RSRC1: variants seen among roughly 807,000 people sequenced by gnomAD.
The protein encoded by RSRC1 is arginine and serine rich coiled-coil 1.
RSRC1 carries 39 observed loss-of-function variants against 49.1 expected under a neutral mutation model. That is an observed-to-expected ratio of 0.79 (90% confidence interval 0.61 to 1.04). RSRC1 has a LOEUF of 1.04. Ranked by LOEUF, RSRC1 falls within the 50% of genes least tolerant of loss-of-function variation. RSRC1 has a pLI of 0.00. For missense variants in RSRC1, 388 were observed against 402.4 expected, an observed-to-expected ratio of 0.96 and a Z score of 0.31; for synonymous variants, 143 against 130.8, an observed-to-expected ratio of 1.09 and a Z score of -0.63.
Position 158,457,749 on chromosome 3 carries a change from T to TG in RSRC1, c.584-3186_584-3185insG, listed in dbSNP as rs1553809979. ...TTTTGTGTTTTTTTTTGTTTTTTTT[T>TG]TTTGTTTGTTTTTTAATATATATAT... On this transcript the variant is annotated intron_variant, in intron 6 of 9. Transcript: ENST00000611884. Among the ~76,000 whole-genome samples, 431 of 148,926 alleles carry TG rather than the reference T, an allele frequency of 2.9e-3. 2 individuals carry two copies. Among genetic ancestry groups the TG allele is most frequent in the African/African-American group, 9.0e-3 (365 of 40,356 alleles).
intron 3 of RSRC1, among the ~76,000 whole-genome samples, chr3:158,183,783 G>T (rs1472249559): frequency 6.6e-6 from 1 of 151,942 alleles, no homozygotes; most frequent in African/African-American, 2.4e-5. Flanking sequence ...GGGCATGGTG[G>T]CATGCACCTG....
intron 5 of RSRC1, among the ~76,000 whole-genome samples, chr3:158,345,758 CAT>C (rs1233029082): frequency 7.3e-6 from 1 of 136,846 alleles, no homozygotes; most frequent in African/African-American, 2.5e-5. Flanking sequence ...AGAGACTCAT[CAT>C]ATATATGTGT....
chr3:158,190,055 T>G (rs1237922551), intron 3 of RSRC1, among the ~76,000 whole-genome samples: 1 of 151,928 alleles, frequency 6.6e-6, no homozygotes, highest in Non-Finnish European at 1.5e-5. Context: ...GCCAACACAC[T>G]TTTTTCCCTC....
intron 3 of RSRC1, among the ~76,000 whole-genome samples, chr3:158,147,534 A>G (rs1045869472): frequency 2.0e-5 from 3 of 151,888 alleles, no homozygotes; most frequent in Non-Finnish European, 2.9e-5. Context: ...TTATTTTTCA[A>G]AAAACCTAAC....
At chr3:158,250,512 C>T (rs1724147787) in intron 4 of RSRC1, among the ~76,000 whole-genome samples, 1 of 152,162 alleles carries the variant, frequency 6.6e-6, no homozygotes, top group African/African-American at 2.4e-5. Flanking sequence ...GCCATTTTAA[C>T]TGGGGTGAGA....
chr3:158,111,883 CT>C (rs1277567540), intron 1 of RSRC1, among the ~76,000 whole-genome samples: 1 of 152,216 alleles, frequency 6.6e-6, no homozygotes, highest in Non-Finnish European at 1.5e-5. Flanking sequence ...GACAAAGGAA[CT>C]ACTTGTGTAG....
At chr3:158,308,758 T>C (rs548277412) in intron 5 of RSRC1, among the ~76,000 whole-genome samples, 1 of 151,982 alleles carries the variant, frequency 6.6e-6, no homozygotes, top group Non-Finnish European at 1.5e-5. Context: ...AAAGTGCAGA[T>C]AGACCTAAGA....
chr3:158,234,977 A>G (rs1291672620), intron 4 of RSRC1, among the ~76,000 whole-genome samples: 1 of 152,168 alleles, frequency 6.6e-6, no homozygotes, highest in Non-Finnish European at 1.5e-5. Flanking sequence ...TGCAAGGTGA[A>G]TATAGCCCAG....
At chr3:158,122,590 T>A (rs1715334371) in intron 2 of RSRC1, among the ~76,000 whole-genome samples, 3 of 152,132 alleles carry the variant, frequency 2.0e-5, no homozygotes, top group Admixed American at 2.0e-4. Context: ...TAATGAATTA[T>A]TTTTTATTTT....
intron 5 of RSRC1, among the ~76,000 whole-genome samples, chr3:158,302,166 A>G (rs1197473523): frequency 6.6e-6 from 1 of 151,564 alleles, no homozygotes; most frequent in South Asian, 2.1e-4. Flanking sequence ...CATGCCTTCC[A>G]CAGTTGTATA....
intron 7 of RSRC1, 61 bp from the exon 8 acceptor site, chr3:158,537,031 A>T: frequency 1.1e-6 from 1 of 939,890 alleles, no homozygotes; most frequent in Non-Finnish European, 1.7e-6. Context: ...AACATTGCTT[A>T]GGTGTAGTGT....
At chr3:158,268,390 A>C (rs1725324805) in intron 4 of RSRC1, among the ~76,000 whole-genome samples, 1 of 152,144 alleles carries the variant, frequency 6.6e-6, no homozygotes, top group African/African-American at 2.4e-5. Flanking sequence ...CTTAATTTAT[A>C]TTCAGATTTG....
At chr3:158,114,138 T>G (rs1427078393) in intron 1 of RSRC1, among the ~76,000 whole-genome samples, 2 of 152,204 alleles carry the variant, frequency 1.3e-5, no homozygotes, top group African/African-American at 4.8e-5. Context: ...GGTTTTACAT[T>G]TAAGTCTTTA....
At chr3:158,120,324 A>G (rs1014768895) in intron 1 of RSRC1, among the ~76,000 whole-genome samples, 2 of 152,028 alleles carry the variant, frequency 1.3e-5, no homozygotes, top group Non-Finnish European at 2.9e-5. Context: ...TACATTTAAA[A>G]TCCTTAATTC....
intron 7 of RSRC1, among the ~76,000 whole-genome samples, chr3:158,533,917 T>C (rs1712565302): frequency 6.6e-6 from 1 of 151,654 alleles, no homozygotes; most frequent in South Asian, 2.1e-4. Context: ...GGGCAAAGAA[T>C]CTTCTCTCAT....
chr3:158,144,088 T>C (rs1357143271), intron 3 of RSRC1, among the ~76,000 whole-genome samples: 2 of 152,246 alleles, frequency 1.3e-5, no homozygotes, highest in African/African-American at 4.8e-5. Context: ...TGTAAGGGAT[T>C]GTAAGTAGAA....
At chr3:158,509,693 T>C (rs995883091) in intron 7 of RSRC1, among the ~76,000 whole-genome samples, 1 of 152,190 alleles carries the variant, frequency 6.6e-6, no homozygotes, top group African/African-American at 2.4e-5. Flanking sequence ...AAAAATAGTA[T>C]ATAAATTTTT....
intron 4 of RSRC1, among the ~76,000 whole-genome samples, chr3:158,271,592 A>G (rs1725521597): frequency 2.6e-5 from 4 of 152,258 alleles, no homozygotes; most frequent in Admixed American, 2.0e-4. Context: ...TTAAATATAT[A>G]GTTTCAATAT....
chr3:158,212,606 G>A (rs1721745178), intron 4 of RSRC1, among the ~76,000 whole-genome samples: 1 of 151,788 alleles, frequency 6.6e-6, no homozygotes, highest in Non-Finnish European at 1.5e-5. Context: ...TATGGTTACA[G>A]GGCAGACTAC....
Sources: allele counts gnomAD v4.1 joint callset (sites outside exome capture counted in the v4.1 genomes callset), GRCh38; gene constraint gnomAD v4.1.1; transcripts MANE v1.5; gene names NCBI Gene and HGNC (gene_info 2026-07-23, HGNC 2026-07-21).